Variants in MAN1C1 observed in about 807,000 individuals in gnomAD.
MAN1C1 encodes mannosyl-oligosaccharide 1,2-alpha-mannosidase IC.
In MAN1C1, 49 loss-of-function variants were observed where a neutral mutation model predicts 71.5. That is an observed-to-expected ratio of 0.69 (90% CI 0.54 to 0.87). MAN1C1 has a LOEUF of 0.87. MAN1C1 is among the 40% of genes least tolerant of loss of function. MAN1C1 has a pLI of 0.00. For missense variants in MAN1C1, 743 were observed against 835.0 expected, an observed-to-expected ratio of 0.89 and a Z score of 1.36; for synonymous variants, 352 against 343.7, an observed-to-expected ratio of 1.02 and a Z score of -0.27.
chr1:25,740,930 G>A (rs1221605610), intron 2 of MAN1C1, among the ~76,000 whole-genome samples: 6 of 151,970 alleles, frequency 3.9e-5, no homozygotes, highest in Non-Finnish European at 7.4e-5. Flanking sequence ...TGGAAATCTC[G>A]CAGAGACGGC....
In MAN1C1 at chr1:25,730,831, C is replaced by T. The variant is rs1401798607; in HGVS notation, c.638-15837C>T. ...GCCAGACTCTGTTCATGGAGTCCTG[C>T]ACCCTTCACCTGATTCAGGCCACCC... On this transcript the variant is annotated intron_variant, in intron 2 of 11. Coordinates refer to ENST00000374332, the MANE Select transcript of MAN1C1 (RefSeq NM_020379.4). The surrounding 1 kb of genome is among the most constrained non-coding windows in gnomAD (Gnocchi z 4.3). 1.3e-5 allele frequency among the ~76,000 whole-genome samples: 2 copies of T among 152,236 alleles called. No homozygotes were observed. Among genetic ancestry groups the T allele is most frequent in the African/African-American group, 4.8e-5 (2 of 41,462 alleles).
Position 25,754,981 on chromosome 1 carries a change from T to C in MAN1C1, c.929+1403T>C, listed in dbSNP as rs181046483. Among the ~76,000 whole-genome samples the C allele has an allele frequency of 1.3e-3, 191 of 152,310 alleles. 1 individual carries two copies. Among genetic ancestry groups the C allele is most frequent in the African/African-American group, 4.3e-3 (179 of 41,558 alleles). On this transcript the variant is annotated intron_variant, in intron 5 of 11. Coordinates refer to ENST00000374332, the MANE Select transcript of MAN1C1 (RefSeq NM_020379.4). ...TGGCTCAGAGAGTGGCAGGGCTGTA[T>C]GGGCCCATGTGGCACTGAGTTTGCT...
chr1:25,684,438 G>T (rs747953889), intron 1 of MAN1C1, among the ~76,000 whole-genome samples: 26 of 152,272 alleles, frequency 1.7e-4, no homozygotes, highest in Non-Finnish European at 5.9e-5. Context: ...GGCCAAGCCT[G>T]GGGGGGTGTC....
chr1:25,773,986 ACAC>A (rs2047587330), intron 8 of MAN1C1, among the ~76,000 whole-genome samples: 1 of 152,172 alleles, frequency 6.6e-6, no homozygotes, highest in Non-Finnish European at 1.5e-5. Flanking sequence ...GGCCCGGGCC[ACAC>A]ATAAACCTCC....
In MAN1C1 at chr1:25,778,075, C is replaced by A. The variant is rs2047642211; in HGVS notation, c.1258-30C>A. 1 of 1,500,238 alleles carries A rather than the reference C, an allele frequency of 6.7e-7. No homozygotes were observed. Among genetic ancestry groups the A allele is most frequent in the Non-Finnish European group, 9.0e-7 (1 of 1,112,762 alleles). 92.9% of individuals were successfully genotyped at this position (1,500,238 alleles called of 1,614,324 possible). A position where few individuals can be genotyped will look rare whatever the true frequency, so the allele number is the denominator to read the frequency against. ...TTCTCTGTGCCCTCCCACGCCCCTT[C>A]TCCCTGCCCAATCCCCACCTTGCTC... On this transcript the variant is annotated intron_variant, in intron 8 of 11. Coordinates refer to ENST00000374332, the MANE Select transcript of MAN1C1 (RefSeq NM_020379.4). This position sits in a 1 kb window ranked among gnomAD's most constrained non-coding sequence, Gnocchi z 5.5.
intron 1 of MAN1C1, among the ~76,000 whole-genome samples, chr1:25,660,069 G>A (rs1328058303): frequency 1.3e-5 from 2 of 152,174 alleles, no homozygotes; most frequent in South Asian, 2.1e-4. Context: ...CCTAGACTTA[G>A]GAAAGTGATA....
At chr1:25,695,642 A>G (rs959007837) in intron 2 of MAN1C1, among the ~76,000 whole-genome samples, 1 of 152,228 alleles carries the variant, frequency 6.6e-6, no homozygotes, top group Non-Finnish European at 1.5e-5. Flanking sequence ...TCCTTCTTCA[A>G]AGAGTTTTTG....
intron 2 of MAN1C1, chr1:25,709,583 C>T (rs947755086): frequency 1.3e-5 from 2 of 152,184 alleles, no homozygotes; most frequent in East Asian, 1.9e-4. Context: ...GCCTCCCCGC[C>T]GTCTTGGTTA....
At chr1:25,713,730 A>T (rs2046643564) in intron 2 of MAN1C1, among the ~76,000 whole-genome samples, 1 of 152,192 alleles carries the variant, frequency 6.6e-6, no homozygotes. Context: ...GTACACAGAC[A>T]CATAAATCGT....
In MAN1C1 at chr1:25,753,618, A is replaced by T; in HGVS notation, c.929+40A>T. On this transcript the variant is annotated intron_variant, in intron 5 of 11. Coordinates refer to ENST00000374332, the MANE Select transcript of MAN1C1 (RefSeq NM_020379.4). This position sits in a 1 kb window ranked among gnomAD's most constrained non-coding sequence, Gnocchi z 4.9. ...CGTTCCCCACTGGGGCTTTACTGCGACCATGCCCACCATTTGTGTTTTGTC... is the reference window on the plus strand; with the variant it reads ...CGTTCCCCACTGGGGCTTTACTGCGTCCATGCCCACCATTTGTGTTTTGTC... 6.4e-7 allele frequency: 1 copy of T among 1,560,026 alleles called. No individual in the cohort carries two copies. The highest frequency in any genetic ancestry group is 1.7e-4 in the Middle Eastern group (1 of 5,852).
chr1:25,684,248 AC>A (rs2046197097), intron 1 of MAN1C1, among the ~76,000 whole-genome samples: 2 of 151,996 alleles, frequency 1.3e-5, no homozygotes, highest in Admixed American at 1.3e-4. Flanking sequence ...GATAAGAGAG[AC>A]TGAAGGAGGA....
At chr1:25,749,126 G>C (rs186289484) in intron 3 of MAN1C1, 129 bp from the exon 4 acceptor site, 3 of 634,620 alleles carry the variant, frequency 4.7e-6, no homozygotes, top group Admixed American at 6.3e-5. Flanking sequence ...GAAAACCATC[G>C]TCACCTTGCC....
intron 5 of MAN1C1, among the ~76,000 whole-genome samples, chr1:25,757,108 C>T (rs965652802): frequency 6.6e-6 from 1 of 152,148 alleles, no homozygotes; most frequent in Admixed American, 6.5e-5. Flanking sequence ...CATCCAGCCC[C>T]AAGAATGGAG....
At chr1:25,731,902 C>G (rs2124302270) in intron 2 of MAN1C1, among the ~76,000 whole-genome samples, 1 of 152,276 alleles carries the variant, frequency 6.6e-6, no homozygotes, top group African/African-American at 2.4e-5. Flanking sequence ...TATATTTACT[C>G]CAAACCTACC....
rs1299672770 is a variant in MAN1C1, at chr1:25,618,237, C to G, written c.440C>G (p.Ala147Gly). 19 of 1,602,108 alleles carry G rather than the reference C, an allele frequency of 1.2e-5. No homozygotes were observed. Among genetic ancestry groups the G allele is most frequent in the Non-Finnish European group, 1.5e-5 (18 of 1,176,422 alleles). The change falls in exon 1 of 12, where the codon GCA (alanine) becomes GGA (glycine). Residue 147 changes from alanine to glycine, a missense_variant. By Grantham distance (60) the Ala-to-Gly change is moderately conservative (BLOSUM62 0). Transcript: ENST00000374332. ...GTCCCTTTCCGCTTTGACTTCAACG[C>G]ATTCCGGAGCCGTCTCCGCCACCCG... ...EGVPFRFDFN[A>G]FRSRLRHPVL...
chr1:25,742,396 C>T (rs374465707), intron 2 of MAN1C1, among the ~76,000 whole-genome samples: 1 of 152,200 alleles, frequency 6.6e-6, no homozygotes, highest in Non-Finnish European at 1.5e-5. Context: ...ATGGCCTCGG[C>T]AGCAGATACA....
intron 1 of MAN1C1, among the ~76,000 whole-genome samples, chr1:25,683,799 G>A (rs1030097374): frequency 6.6e-6 from 1 of 152,166 alleles, no homozygotes; most frequent in Non-Finnish European, 1.5e-5. Context: ...TTCATCCCCT[G>A]TCCCCTGCTC....
intron 2 of MAN1C1, among the ~76,000 whole-genome samples, chr1:25,722,440 G>A (rs962192677): frequency 4.6e-5 from 7 of 152,096 alleles, no homozygotes; most frequent in Non-Finnish European, 1.0e-4. Flanking sequence ...TTTATCTTCT[G>A]TTTTCTATCT....
intron 1 of MAN1C1, among the ~76,000 whole-genome samples, chr1:25,675,584 CGGGGGG>C (rs61385512): frequency 1.8e-5 from 1 of 56,432 alleles, no homozygotes; most frequent in South Asian, 5.5e-4. Flanking sequence ...ACTTATTTTG[CGGGGGG>C]GGGGGGAGGT....
Sources: allele counts gnomAD v4.1 joint callset (sites outside exome capture counted in the v4.1 genomes callset), GRCh38; gene constraint gnomAD v4.1.1; non-coding constraint Gnocchi (gnomAD v3.1); transcripts MANE v1.5; gene names NCBI Gene and HGNC (gene_info 2026-07-23, HGNC 2026-07-21).